Variants in SH2D4A observed in about 807,000 individuals in gnomAD.
SH2D4A encodes SH2 domain-containing protein 4A.
In SH2D4A, 70 loss-of-function variants were observed where a neutral mutation model predicts 64.7. That is an observed-to-expected ratio of 1.08 (90% confidence interval 0.89 to 1.32). SH2D4A has a LOEUF of 1.32. SH2D4A is among the 40% of genes most tolerant of loss of function. The probability of loss-of-function intolerance (pLI) is 0.00; values close to 1 mark genes in which losing one functional copy is unlikely to be tolerated. For synonymous variants in SH2D4A, 268 were observed against 200.7 expected (o/e 1.34, Z -2.83); for missense variants, 706 against 540.1 (o/e 1.31, Z -3.04).
chr8:19,348,383 T>C (rs917994892), intron 4 of SH2D4A, among the ~76,000 whole-genome samples: 4 of 152,304 alleles, frequency 2.6e-5, no homozygotes, highest in East Asian at 3.9e-4. Flanking sequence ...AGTTCACTTA[T>C]ATTTTTAAGT....
intron 8 of SH2D4A, among the ~76,000 whole-genome samples, chr8:19,374,163 T>C (rs2053157001): frequency 6.6e-6 from 1 of 152,228 alleles, no homozygotes; most frequent in South Asian, 2.1e-4. Context: ...TGAAAACTTC[T>C]GTAGTTTTGA....
At chr8:19,341,024 G>A (rs2052521557) in intron 4 of SH2D4A, among the ~76,000 whole-genome samples, 4 of 152,160 alleles carry the variant, frequency 2.6e-5, no homozygotes. Context: ...AGAAACAAAT[G>A]TTCAAAGAGA....
chr8:19,392,619 C>T (rs1290863714), intron 8 of SH2D4A, among the ~76,000 whole-genome samples: 1 of 151,998 alleles, frequency 6.6e-6, no homozygotes, highest in Non-Finnish European at 1.5e-5. Flanking sequence ...ATCTTTAAAT[C>T]CCCTCCCAGA....
Position 19,373,434 on chromosome 8 carries a change from A to ATG in SH2D4A, c.918-86_918-85dup, listed in dbSNP as rs1338215012. 5.9e-3 allele frequency: 4,029 copies of ATG among 686,480 alleles called. 54 individuals carry two copies. The highest frequency in any genetic ancestry group is 0.039 in the African/African-American group (1,835 of 47,142). The allele number at this position is 686,480 out of a possible 1,614,324, so 42.5% of individuals were successfully genotyped here. On this transcript the variant is annotated intron_variant, in intron 7 of 9. Coordinates refer to ENST00000265807, the MANE Select transcript of SH2D4A (RefSeq NM_022071.4). ...CATGTATATATATGCATGTATATGT[A>ATG]TGTGTGTGTGTATATATATATATAT... is the stretch of plus-strand genomic sequence containing the variant.
intron 4 of SH2D4A, among the ~76,000 whole-genome samples, chr8:19,348,856 A>G (rs2052654074): frequency 6.6e-6 from 1 of 152,178 alleles, no homozygotes; most frequent in Admixed American, 6.5e-5. Context: ...ATACTACCCC[A>G]GAGTAGATAC....
intron 1 of SH2D4A, 182 bp downstream of exon 1, chr8:19,314,005 T>C (rs1213519518): frequency 4.9e-6 from 6 of 1,220,372 alleles, no homozygotes; most frequent in East Asian, 3.5e-5. Flanking sequence ...AGGTGCGGGG[T>C]TGGGCGGCGA....
In SH2D4A at chr8:19,394,576, G is replaced by A. The variant is rs1378687722; in HGVS notation, c.1299G>A (p.Lys433=). The A allele has an allele frequency of 6.2e-7, 1 of 1,607,938 alleles. No homozygotes were observed. Among genetic ancestry groups the A allele is most frequent in the African/African-American group, 1.3e-5 (1 of 74,774 alleles). ...HKEEPITSLG[K]ELLLYPCGQQ... ...AGGAACCCATCACTTCCCTGGGGAA[G>A]GAGCTCCTTCTCTATCCCTGTGGTC... The change falls in exon 10 of 10, where the codon AAG becomes AAA. Residue 433 remains lysine, a synonymous_variant. Coordinates refer to ENST00000265807, the MANE Select transcript of SH2D4A (RefSeq NM_022071.4).
Position 19,373,521 on chromosome 8 carries a change from A to C in SH2D4A, c.918-9A>C, listed in dbSNP as rs760123835. Reference sequence around the variant, plus strand: ...TAAATCTAACTTGAAAAACTTTTATAAATAACAGAAATCAGGGAGTGGTGA... The same window carrying C: ...TAAATCTAACTTGAAAAACTTTTATCAATAACAGAAATCAGGGAGTGGTGA... On this transcript the variant is annotated splice_polypyrimidine_tract_variant and intron_variant, in intron 7 of 9. Transcript: ENST00000265807. 1.3e-6 allele frequency: 2 copies of C among 1,566,918 alleles called. No individual in the cohort carries two copies. Among genetic ancestry groups the C allele is most frequent in the South Asian group, 2.5e-5 (2 of 81,584 alleles).
intron 2 of SH2D4A, among the ~76,000 whole-genome samples, chr8:19,320,956 G>A (rs1400461614): frequency 6.6e-6 from 1 of 152,338 alleles, no homozygotes; most frequent in Admixed American, 6.5e-5. Context: ...GGAGGTCAGT[G>A]TAGCGTCCTT....
At chr8:19,333,701 G>A (rs1176318663) in intron 3 of SH2D4A, among the ~76,000 whole-genome samples, 2 of 152,130 alleles carry the variant, frequency 1.3e-5, no homozygotes, top group Non-Finnish European at 2.9e-5. Flanking sequence ...GGCCAGTGCA[G>A]GCTGTGATTT....
At chr8:19,358,013 A>G (rs2052821823) in intron 5 of SH2D4A, among the ~76,000 whole-genome samples, 1 of 152,178 alleles carries the variant, frequency 6.6e-6, no homozygotes, top group Admixed American at 6.5e-5. Context: ...CTCTGAAGGG[A>G]CATGCATGAA....
At chr8:19,329,602 A>G (rs1216173736) in intron 2 of SH2D4A, among the ~76,000 whole-genome samples, 1 of 152,144 alleles carries the variant, frequency 6.6e-6, no homozygotes. Context: ...CCCAAATCTC[A>G]TCTTGAATTG....
chr8:19,338,420 C>G (rs1373050220), intron 4 of SH2D4A, among the ~76,000 whole-genome samples: 14 of 152,206 alleles, frequency 9.2e-5, no homozygotes, highest in African/African-American at 3.1e-4. Flanking sequence ...ACAGGGGACT[C>G]TGCCTCTGGG....
In SH2D4A at chr8:19,394,628, G is replaced by A; in HGVS notation, c.1351G>A (p.Glu451Lys). Residue 451 changes from glutamate (E) to lysine (K), a missense_variant, in exon 10 of 10, where the codon GAG (glutamate) becomes AAG (lysine). Coordinates refer to ENST00000265807, the MANE Select transcript of SH2D4A (RefSeq NM_022071.4). ...GCAGGACCAGCTGCCTGACTACCTG[G>A]AGCTGTTTGAGTGACAGCCTCCATC... ...GQQDQLPDYLELFE is the reference protein window; with the variant it reads ...GQQDQLPDYLKLFE 6.2e-7 allele frequency: 1 copy of A among 1,607,834 alleles called. No individual in the cohort carries two copies. Among genetic ancestry groups the A allele is most frequent in the Admixed American group, 1.7e-5 (1 of 59,560 alleles).
At position 19,329,660 on chromosome 8, in the gene SH2D4A, A is replaced by G. The variant is rs2052340142; in HGVS notation, c.182-3295A>G. Among the ~76,000 whole-genome samples, 3 of 152,270 alleles carry G rather than the reference A, an allele frequency of 2.0e-5. No individual in the cohort carries two copies. The South Asian group carries it at 6.2e-4, about 32-fold the overall frequency. ...TGTGGGAGGGACCTGGTGGGAGGCA[A>G]TTGAATCATGGGGGCAGTTTCCCCC... is the stretch of plus-strand genomic sequence containing the variant. On this transcript the variant is annotated intron_variant, in intron 2 of 9. Coordinates refer to ENST00000265807, the MANE Select transcript of SH2D4A (RefSeq NM_022071.4).
At chr8:19,321,636 G>A (rs2052193026) in intron 2 of SH2D4A, among the ~76,000 whole-genome samples, 1 of 152,174 alleles carries the variant, frequency 6.6e-6, no homozygotes, top group South Asian at 2.1e-4. Context: ...CAAATAACAT[G>A]GCCAAACTGA....
intron 1 of SH2D4A, among the ~76,000 whole-genome samples, chr8:19,318,960 G>C (rs2052136457): frequency 6.6e-6 from 1 of 151,768 alleles, no homozygotes. Context: ...TTTGCAGAGA[G>C]CCTTTTAATT....
intron 4 of SH2D4A, among the ~76,000 whole-genome samples, chr8:19,341,745 G>A (rs1214122779): frequency 6.6e-6 from 1 of 151,798 alleles, no homozygotes; most frequent in Non-Finnish European, 1.5e-5. Flanking sequence ...TGGGAGGCTG[G>A]GGTGGGAGAT....
At chr8:19,362,760 CAAAAA>C (rs1018638948) in intron 6 of SH2D4A, among the ~76,000 whole-genome samples, 1 of 151,224 alleles carries the variant, frequency 6.6e-6, no homozygotes. Context: ...CAAAACAAAA[CAAAAA>C]AAACACAGAC....
Sources: gnomAD v4.1 joint callset for allele counts (sites outside exome capture counted in the v4.1 genomes callset) on GRCh38, gnomAD v4.1.1 for gene constraint, MANE v1.5 for transcripts, NCBI Gene and HGNC (gene_info 2026-07-23, HGNC 2026-07-21) for gene names.